The following PTOV1 variants were observed in gnomAD, a reference collection of about 807,000 sequenced individuals.
PTOV1 encodes prostate tumor-overexpressed gene 1 protein.
Under a neutral mutation model 58.0 loss-of-function variants are expected in PTOV1, and 20 were observed. The ratio of observed to expected loss-of-function variants is 0.34; its 90% CI spans 0.24 to 0.50. PTOV1 has a LOEUF of 0.50. Ranked by LOEUF, PTOV1 falls within the 20% of genes least tolerant of loss-of-function variation. PTOV1 has a pLI of 0.98. For missense variants in PTOV1, 593 were observed against 565.4 expected (o/e 1.05, Z -0.50); for synonymous variants, 335 against 234.2 (o/e 1.43, Z -3.93).
intron 5 of PTOV1, chr19:49,855,506 T>C (rs1340033441): frequency 2.2e-5 from 5 of 226,122 alleles, no homozygotes; most frequent in Non-Finnish European, 4.5e-5. Flanking sequence ...CCGAGTGGCC[T>C]GAGCTGGCCG....
exon 11 of PTOV1, chr19:49,859,997 G>A (rs1283303058): frequency 6.2e-7 from 1 of 1,614,136 alleles, no homozygotes; most frequent in Non-Finnish European, 8.5e-7. Flanking sequence ...CCGGCTGCGT[G>A]CACTTTTCCT....
upstream of PTOV1, chr19:49,850,843 T>C: frequency 6.5e-7 from 1 of 1,535,114 alleles, no homozygotes; most frequent in Non-Finnish European, 8.7e-7. Context: ...TGATGTATTT[T>C]GGCGCGGTCT....
chr19:49,860,268 A>AT lies in PTOV1; in HGVS notation c.1241dup (p.Met414IlefsTer27). ...ACTGGCCTCTGATTTCTCGCCGTAG[A>AT]TGGGGGGGTAGTGGTTACCCCGGGC... On this transcript the variant is annotated frameshift_variant and splice_region_variant, in exon 12 of 12. Transcript: ENST00000391842. LOFTEE classifies it high-confidence loss of function. 1 of 1,612,366 alleles carries AT rather than the reference A, an allele frequency of 6.2e-7. No individual in the cohort carries two copies. Among genetic ancestry groups the AT allele is most frequent in the Non-Finnish European group, 8.5e-7 (1 of 1,179,096 alleles).
rs1600349443 is a variant in PTOV1, at chr19:49,851,291, C to T, written c.-38C>T. 1.1e-5 allele frequency: 12 copies of T among 1,063,348 alleles called. No individual in the cohort carries two copies. In the East Asian group the frequency reaches 7.4e-4, roughly 65 times the overall value. 65.9% of individuals were successfully genotyped at this position (1,063,348 alleles called of 1,614,324 possible). ...GTGGAGCCCGCAGCCCCCCTTGTGG[C>T]CCGCGGCAGCTCCCCGCCCGCTCGG... is the stretch of plus-strand genomic sequence containing the variant. On this transcript the variant is annotated 5_prime_UTR_variant, in exon 1 of 12. Coordinates refer to ENST00000391842, the Ensembl canonical transcript of PTOV1.
intron 9 of PTOV1, 60 bp from the exon 10 acceptor site, chr19:49,858,488 TG>T: frequency 7.2e-7 from 1 of 1,394,686 alleles, no homozygotes; most frequent in South Asian, 1.2e-5. Context: ...CTCAGCGGGC[TG>T]GGAGCCGGGA....
intron 1 of PTOV1, 131 bp downstream of exon 1, chr19:49,851,630 CG>C: frequency 9.9e-7 from 1 of 1,006,856 alleles, no homozygotes; most frequent in Non-Finnish European, 1.2e-6. Context: ...TGGTCCCGCC[CG>C]GGGCCGGGTT....
At chr19:49,851,254 G>T in exon 1 of PTOV1, 1 of 1,115,608 alleles carries the variant, frequency 9.0e-7, no homozygotes, top group Non-Finnish European at 1.1e-6. Flanking sequence ...CCGCGCCCGC[G>T]CCCCTCAGTC....
At chr19:49,855,064 T>C in exon 5 of PTOV1, 4 of 1,594,608 alleles carry the variant, frequency 2.5e-6, no homozygotes, top group South Asian at 1.1e-5. Flanking sequence ...TGCCGCATCA[T>C]GGGCAACGGC....
chr19:49,859,872 G>A, intron 10 of PTOV1, 114 bp from the exon 11 acceptor site: 1 of 1,173,250 alleles, frequency 8.5e-7, no homozygotes, highest in Non-Finnish European at 1.3e-6. Flanking sequence ...GGGGGTGTGA[G>A]GACAGAGCAG....
chr19:49,856,293 G>A (rs1327525585), intron 5 of PTOV1: 1 of 152,514 alleles, frequency 6.6e-6, no homozygotes, highest in Non-Finnish European at 1.5e-5. Flanking sequence ...GGAGGCCAGG[G>A]ACAGGGCCCT....
upstream of PTOV1, chr19:49,850,867 G>A (rs1399537424): frequency 7.2e-6 from 11 of 1,535,556 alleles, no homozygotes; most frequent in East Asian, 2.2e-4. Context: ...GGCTCTGCGG[G>A]CCCAGGGCTC....
At chr19:49,851,131 G>A, upstream of PTOV1, 3 of 1,331,872 alleles carry the variant, frequency 2.3e-6, no homozygotes, top group Non-Finnish European at 2.9e-6. Flanking sequence ...GACGCGCTTG[G>A]TACGCGCCGG....
exon 12 of PTOV1, chr19:49,860,486 C>T (rs1410446456): frequency 2.6e-6 from 2 of 754,824 alleles, no homozygotes; most frequent in African/African-American, 1.8e-5. Context: ...CGGGAAACTG[C>T]AGCCCAGCCT....
At chr19:49,858,680 A>G in intron 10 of PTOV1, 27 bp downstream of exon 10, 4 of 1,557,508 alleles carry the variant, frequency 2.6e-6, no homozygotes, top group Non-Finnish European at 3.5e-6. Flanking sequence ...GACGCAGGGG[A>G]GGGGCCGGCC....
exon 1 of PTOV1, chr19:49,851,227 C>A (rs1450273677): frequency 1.9e-5 from 22 of 1,150,216 alleles, no homozygotes; most frequent in Admixed American, 4.8e-5. Flanking sequence ...CAGCCCGTCT[C>A]CCCCGAAGCC....
rs370929811 is a variant in PTOV1, at chr19:49,854,595, C to T, written c.309+52C>T. On this transcript the variant is annotated intron_variant, in intron 2 of 11. Transcript: ENST00000391842. The stretch of plus-strand genomic sequence containing the variant: ...CCTCCAGGGTCTTGTCTTGTCCCTG[C>T]GGGGACAGGCCAGGGCATCTAGGCT... 87 of 1,612,780 alleles carry T rather than the reference C, an allele frequency of 5.4e-5. No homozygotes were observed. The East Asian group carries it at 1.5e-3, about 29-fold the overall frequency.
intron 5 of PTOV1, 82 bp from the exon 6 acceptor site, chr19:49,856,893 C>T (rs552642438): frequency 2.8e-5 from 43 of 1,544,280 alleles, no homozygotes; most frequent in Non-Finnish European, 3.8e-5. Context: ...CCTTCATCCC[C>T]TACAGGTGGG....
upstream of PTOV1, chr19:49,851,003 G>A (rs2074217118): frequency 2.6e-6 from 4 of 1,534,188 alleles, no homozygotes; most frequent in South Asian, 4.8e-5. Flanking sequence ...TGGCTCGCGC[G>A]TCTTCCCAGG....
Position 49,854,399 on chromosome 19 carries a change from A to AT in PTOV1, c.172-5dup. The AT allele has an allele frequency of 6.2e-7, 1 of 1,606,038 alleles. No homozygotes were observed. The highest frequency in any genetic ancestry group is 8.5e-7 in the Non-Finnish European group (1 of 1,175,984). On this transcript the variant is annotated splice_polypyrimidine_tract_variant and splice_region_variant and intron_variant, in intron 1 of 11. Coordinates refer to ENST00000391842, the Ensembl canonical transcript of PTOV1. ...AGTTTTCCCACCTATCCCCCACTCC[A>AT]TTGCAGGAAGGTGCTCGGGTCTTCG...
Sources: allele counts gnomAD v4.1 joint callset, GRCh38; gene constraint gnomAD v4.1.1; transcripts MANE v1.5; gene names NCBI Gene and HGNC (gene_info 2026-07-23, HGNC 2026-07-21).